UNC5B: variants seen among roughly 807,000 people sequenced by gnomAD.
UNC5B encodes unc-5 netrin receptor B, also known as netrin receptor UNC5B.
Under a neutral mutation model 103.7 loss-of-function variants are expected in UNC5B, and 56 were observed. That is an observed-to-expected ratio of 0.54 (90% CI 0.44 to 0.67). The LOEUF (loss-of-function observed/expected upper bound fraction) is 0.67, where lower values mean the gene tolerates loss of function less well. UNC5B is among the 30% of genes least tolerant of loss of function. The pLI is 0.00. For synonymous variants in UNC5B, 577 were observed against 542.0 expected, an observed-to-expected ratio of 1.06 and a Z score of -0.90; for missense variants, 1,194 against 1,284.5, an observed-to-expected ratio of 0.93 and a Z score of 1.08.
chr10:71,246,860 C>T (rs1026630866), intron 1 of UNC5B, among the ~76,000 whole-genome samples: 2 of 152,182 alleles, frequency 1.3e-5, no homozygotes, highest in Admixed American at 6.5e-5. Flanking sequence ...CCCTCTGGGG[C>T]GACCACTTCT....
intron 1 of UNC5B, among the ~76,000 whole-genome samples, chr10:71,227,586 T>C (rs1843589101): frequency 6.8e-6 from 1 of 146,420 alleles, no homozygotes; most frequent in Non-Finnish European, 1.5e-5. Flanking sequence ...AAAATAAAAA[T>C]AAATTTTGTA....
chr10:71,245,011 C>A (rs1377106335), intron 1 of UNC5B, among the ~76,000 whole-genome samples: 1 of 152,240 alleles, frequency 6.6e-6, no homozygotes, highest in African/African-American at 2.4e-5. Flanking sequence ...TAAATAATAA[C>A]CATTTTAAGA....
At chr10:71,226,819 C>T (rs1326194348) in intron 1 of UNC5B, among the ~76,000 whole-genome samples, 1 of 152,076 alleles carries the variant, frequency 6.6e-6, no homozygotes, top group African/African-American at 2.4e-5. Flanking sequence ...TTCATAGATG[C>T]TGAACAAAGC....
At chr10:71,263,913 A>T (rs978987828) in intron 1 of UNC5B, among the ~76,000 whole-genome samples, 1 of 152,148 alleles carries the variant, frequency 6.6e-6, no homozygotes, top group African/African-American at 2.4e-5. Context: ...GGTGGCTGAC[A>T]CAGCTTCTGG....
At chr10:71,265,457 A>G (rs1844502401) in intron 1 of UNC5B, among the ~76,000 whole-genome samples, 1 of 152,114 alleles carries the variant, frequency 6.6e-6, no homozygotes, top group Admixed American at 6.5e-5. Flanking sequence ...CCCTGAGCTT[A>G]TGATGCCAAC....
rs1259230343 is a variant in UNC5B at position 71,212,585 on chromosome 10, T to TGGGGCCGGCTAGGGCGCC, written c.-398_-381dup. ...GGCGCTCGGCATTGTGGCAGGCGGC[T>TGGGGCCGGCTAGGGCGCC]GGGGCCGGCTAGGGCGCCGGAGCCG... On this transcript the variant is annotated 5_prime_UTR_variant, in exon 1 of 17. Transcript: ENST00000335350. 8.3e-5 allele frequency: 13 copies of TGGGGCCGGCTAGGGCGCC among 156,016 alleles called. No individual in the cohort carries two copies. Among genetic ancestry groups the TGGGGCCGGCTAGGGCGCC allele is most frequent in the African/African-American group, 2.9e-4 (12 of 41,452 alleles). The allele number at this position is 156,016 out of a possible 1,614,324, so 9.7% of individuals were successfully genotyped here.
At chr10:71,227,707 T>TACACACACAC (rs57747777) in intron 1 of UNC5B, among the ~76,000 whole-genome samples, 25 of 128,066 alleles carry the variant, frequency 2.0e-4, no homozygotes, top group African/African-American at 7.7e-4. Flanking sequence ...TACACACATA[T>TACACACACAC]ACACACACAC....
chr10:71,291,424 T>G lies in UNC5B; in HGVS notation c.1295-8T>G, dbSNP rs755737000. 2.5e-5 allele frequency: 39 copies of G among 1,591,818 alleles called. No individual in the cohort carries two copies. The highest frequency in any genetic ancestry group is 8.6e-5 in the Admixed American group (5 of 58,288). ...AGCTGGGTCTGACTATAGCCCCTAC[T>G]CCTGCAGGCAACCCGCAGCTCCTAC... On this transcript the variant is annotated splice_polypyrimidine_tract_variant and splice_region_variant and intron_variant, in intron 9 of 16. Coordinates refer to ENST00000335350, the MANE Select transcript of UNC5B (RefSeq NM_170744.5).
At chr10:71,261,826 TC>T (rs1293628706) in intron 1 of UNC5B, among the ~76,000 whole-genome samples, 3 of 152,164 alleles carry the variant, frequency 2.0e-5, no homozygotes, top group African/African-American at 4.8e-5. Flanking sequence ...ATGGTACCTG[TC>T]CACAGGGTTG....
chr10:71,268,788 G>A lies in UNC5B; in HGVS notation c.80-11033G>A, dbSNP rs950684642. 2.0e-4 allele frequency among the ~76,000 whole-genome samples: 30 copies of A among 152,308 alleles called. 1 individual carries two copies. Among genetic ancestry groups the A allele is most frequent in the Admixed American group, 1.5e-3 (23 of 15,308 alleles). On this transcript the variant is annotated intron_variant, in intron 1 of 16. Transcript: ENST00000335350. ...AGCACTGTCCTGTCTGGCCTCGTCC[G>A]GGCAGCCCCTAGACCCAAGACTGTA...
At chr10:71,281,829 A>G (rs894907561) in intron 2 of UNC5B, among the ~76,000 whole-genome samples, 2 of 152,208 alleles carry the variant, frequency 1.3e-5, no homozygotes, top group Non-Finnish European at 2.9e-5. Context: ...ACAGAACAGC[A>G]TGCCAGGGCC....
intron 1 of UNC5B, among the ~76,000 whole-genome samples, chr10:71,249,452 C>A (rs560295135): frequency 6.6e-6 from 1 of 152,312 alleles, no homozygotes; most frequent in African/African-American, 2.4e-5. Flanking sequence ...GAGTGATAAC[C>A]CTATGTGTGA....
At chr10:71,235,634 G>A (rs548987932) in intron 1 of UNC5B, among the ~76,000 whole-genome samples, 2 of 152,306 alleles carry the variant, frequency 1.3e-5, no homozygotes, top group African/African-American at 2.4e-5. Flanking sequence ...GACACTTAGG[G>A]ACTGGTAGGG....
At chr10:71,223,670 C>A (rs551470319) in intron 1 of UNC5B, among the ~76,000 whole-genome samples, 1 of 152,256 alleles carries the variant, frequency 6.6e-6, no homozygotes, top group African/African-American at 2.4e-5. Context: ...TTGTACTTAT[C>A]TGCAAGGTGG....
intron 1 of UNC5B, among the ~76,000 whole-genome samples, chr10:71,271,141 G>A (rs935212737): frequency 4.6e-5 from 7 of 152,198 alleles, no homozygotes; most frequent in Non-Finnish European, 7.3e-5. Context: ...CTGAGACCCC[G>A]TCCCCTCCAG....
chr10:71,257,023 G>A (rs969793859), intron 1 of UNC5B, among the ~76,000 whole-genome samples: 1 of 152,186 alleles, frequency 6.6e-6, no homozygotes, highest in Non-Finnish European at 1.5e-5. Flanking sequence ...CTAAGGAGGA[G>A]GCTGGGACAG....
chr10:71,284,479 T>C (rs1845011844), intron 2 of UNC5B, among the ~76,000 whole-genome samples: 1 of 152,142 alleles, frequency 6.6e-6, no homozygotes, highest in Non-Finnish European at 1.5e-5. Flanking sequence ...ATTTTGGAGA[T>C]GACACTAGCT....
Position 71,269,123 on chromosome 10 carries a change from A to G in UNC5B, c.80-10698A>G, listed in dbSNP as rs556038306. On this transcript the variant is annotated intron_variant, in intron 1 of 16. Coordinates refer to ENST00000335350, the MANE Select transcript of UNC5B (RefSeq NM_170744.5). ...TTTAAGGGAAAGCATGGGATATGCA[A>G]CTTACATGGTGAGACCAGATTTAGG... 3.4e-4 allele frequency among the ~76,000 whole-genome samples: 52 copies of G among 152,330 alleles called. No homozygotes were observed. The South Asian group carries it at 5.0e-3, about 15-fold the overall frequency.
At chr10:71,269,613 C>T (rs901871043) in intron 1 of UNC5B, among the ~76,000 whole-genome samples, 1 of 152,094 alleles carries the variant, frequency 6.6e-6, no homozygotes, top group African/African-American at 2.4e-5. Context: ...TCCCCCTCCA[C>T]CTGCCACCCC....
Sources: gnomAD v4.1 joint callset for allele counts (sites outside exome capture counted in the v4.1 genomes callset) on GRCh38, gnomAD v4.1.1 for gene constraint, MANE v1.5 for transcripts, NCBI Gene and HGNC (gene_info 2026-07-23, HGNC 2026-07-21) for gene names.